The following KCNS3 variants were observed in gnomAD, a reference collection of about 807,000 sequenced individuals.
KCNS3 encodes potassium voltage-gated channel modifier subfamily S member 3.
In KCNS3, 13 loss-of-function variants were observed where a neutral mutation model predicts 31.0. The ratio of observed to expected loss-of-function variants is 0.42; its 90% CI spans 0.27 to 0.67. The LOEUF (loss-of-function observed/expected upper bound fraction) is 0.67, where lower values mean the gene tolerates loss of function less well. KCNS3 is among the 30% of genes least tolerant of loss of function. The pLI, the probability that KCNS3 is intolerant of heterozygous loss-of-function variation, is 0.25. For synonymous variants in KCNS3, 238 were observed against 241.5 expected, an observed-to-expected ratio of 0.99 and a Z score of 0.13; for missense variants, 545 against 622.4, an observed-to-expected ratio of 0.88 and a Z score of 1.32.
chr2:17,892,127 A>T (rs925212341), intron 1 of KCNS3, among the ~76,000 whole-genome samples: 2 of 151,906 alleles, frequency 1.3e-5, no homozygotes, highest in African/African-American at 4.8e-5. Context: ...ACATTTTCTT[A>T]TTCTTTTTTC....
intron 1 of KCNS3, among the ~76,000 whole-genome samples, chr2:17,902,837 G>A (rs747700038): frequency 6.6e-6 from 1 of 152,044 alleles, no homozygotes; most frequent in Non-Finnish European, 1.5e-5. Context: ...TTACAATCTG[G>A]GTTAGTGTGC....
intron 2 of KCNS3, among the ~76,000 whole-genome samples, chr2:17,926,208 G>A (rs1217687849): frequency 2.0e-5 from 3 of 152,210 alleles, no homozygotes; most frequent in South Asian, 2.1e-4. Context: ...GGCTCCCATG[G>A]TCTTGGGCAG....
intron 1 of KCNS3, among the ~76,000 whole-genome samples, chr2:17,884,268 A>ATATATATAT (rs1553340999): frequency 3.2e-3 from 149 of 46,562 alleles, no homozygotes; most frequent in African/African-American, 6.2e-3. Flanking sequence ...AAAAAAAAAA[A>ATATATATAT]ATATATATAT....
At chr2:17,930,536 G>A (rs558780883) in intron 2 of KCNS3, among the ~76,000 whole-genome samples, 79 of 152,266 alleles carry the variant, frequency 5.2e-4, no homozygotes, top group Non-Finnish European at 9.0e-4. Context: ...GCAGCAACTA[G>A]CCTGTCATGT....
At chr2:17,890,762 C>T (rs115907418) in intron 1 of KCNS3, among the ~76,000 whole-genome samples, 2,494 of 152,140 alleles carry the variant, frequency 0.016, 63 homozygotes, top group African/African-American at 0.055. Context: ...AGTTGATTTC[C>T]AGTTTAATTC....
chr2:17,926,611 G>A (rs760307006), intron 2 of KCNS3, among the ~76,000 whole-genome samples: 14 of 152,230 alleles, frequency 9.2e-5, no homozygotes, highest in South Asian at 2.1e-4. Context: ...TGGGGCTTGC[G>A]CCATCTGAAG....
chr2:17,912,349 TG>T (rs1662489815), intron 1 of KCNS3, among the ~76,000 whole-genome samples: 1 of 152,222 alleles, frequency 6.6e-6, no homozygotes, highest in South Asian at 2.1e-4. Flanking sequence ...TTAGTGCAGT[TG>T]TTTGATGCAT....
intron 1 of KCNS3, chr2:17,879,357 T>A (rs1412314895): frequency 6.6e-6 from 1 of 152,276 alleles, no homozygotes. Context: ...GCCCTGCAGC[T>A]GTGCTAGGCG....
At chr2:17,926,107 A>G (rs183186433) in intron 2 of KCNS3, among the ~76,000 whole-genome samples, 3 of 152,288 alleles carry the variant, frequency 2.0e-5, no homozygotes, top group African/African-American at 7.2e-5. Context: ...CAAGTCTGAA[A>G]CCCATCAGGG....
chr2:17,931,795 A>G lies in KCNS3; in HGVS notation c.787A>G (p.Ile263Val), dbSNP rs770265810. Reference sequence around the variant, plus strand: ...TCTGAACATCATTGACTTTGTCTCTATTATTCCCTTCTATGCCACGTTGGC... The same window carrying G: ...TCTGAACATCATTGACTTTGTCTCTGTTATTCCCTTCTATGCCACGTTGGC... Reference protein sequence around the residue: ...NPLNIIDFVSIIPFYATLAVD... With the variant: ...NPLNIIDFVSVIPFYATLAVD... The change falls in exon 3 of 3, where the codon ATT (isoleucine) becomes GTT (valine). Residue 263 changes from isoleucine to valine, a missense_variant. By Grantham distance (29) the Ile-to-Val change is conservative. Coordinates refer to ENST00000304101, the MANE Select transcript of KCNS3 (RefSeq NM_002252.5). The surrounding 1 kb of genome is among the most constrained non-coding windows in gnomAD (Gnocchi z 5.4). The G allele has an allele frequency of 1.8e-5, 29 of 1,614,032 alleles. No homozygotes were observed. The Admixed American group carries it at 2.3e-4, about 13-fold the overall frequency.
chr2:17,904,493 G>C (rs1012888071), intron 1 of KCNS3, among the ~76,000 whole-genome samples: 1 of 152,002 alleles, frequency 6.6e-6, no homozygotes, highest in Non-Finnish European at 1.5e-5. Context: ...TTTGGCTTTT[G>C]TTGCCATTGC....
intron 1 of KCNS3, among the ~76,000 whole-genome samples, chr2:17,882,748 A>G (rs1031769): frequency 0.38 from 58,077 of 152,068 alleles, 12,912 homozygotes; most frequent in Non-Finnish European, 0.52. Context: ...GAACATAATA[A>G]CAAGGCTTAA....
chr2:17,902,642 A>G (rs1662209534), intron 1 of KCNS3, among the ~76,000 whole-genome samples: 1 of 152,154 alleles, frequency 6.6e-6, no homozygotes, highest in South Asian at 2.1e-4. Context: ...TACTAGTTTA[A>G]TATGTAAGCA....
chr2:17,888,655 A>ATATC (rs1661761737), intron 1 of KCNS3, among the ~76,000 whole-genome samples: 1 of 135,062 alleles, frequency 7.4e-6, no homozygotes, highest in Admixed American at 7.4e-5. Flanking sequence ...ATATATATAT[A>ATATC]TATATATATA....
At chr2:17,880,542 AT>A (rs1458167131) in intron 1 of KCNS3, among the ~76,000 whole-genome samples, 1 of 152,238 alleles carries the variant, frequency 6.6e-6, no homozygotes, top group Non-Finnish European at 1.5e-5. Flanking sequence ...AATCCAAAGC[AT>A]GTTGTGAATA....
At chr2:17,887,484 GATCT>G (rs55654719) in intron 1 of KCNS3, among the ~76,000 whole-genome samples, 1,815 of 146,328 alleles carry the variant, frequency 0.012, 17 homozygotes, top group East Asian at 0.021. Context: ...TCTATCATAT[GATCT>G]ATCTATCTAT....
Position 17,904,474 on chromosome 2 carries a change from T to A in KCNS3, c.-251-13206T>A, listed in dbSNP as rs566658554. On this transcript the variant is annotated intron_variant, in intron 1 of 2. Coordinates refer to ENST00000304101, the MANE Select transcript of KCNS3 (RefSeq NM_002252.5). ...AGCTCTTTAGTTTAATTAGATCCCATTTGTCAATTTTGGCTTTTGTTGCCA... is the reference window on the plus strand; with the variant it reads ...AGCTCTTTAGTTTAATTAGATCCCAATTGTCAATTTTGGCTTTTGTTGCCA... Among the ~76,000 whole-genome samples the A allele has an allele frequency of 5.2e-4, 79 of 152,166 alleles. 1 individual carries two copies. Among genetic ancestry groups the A allele is most frequent in the Non-Finnish European group, 9.6e-4 (65 of 67,920 alleles).
chr2:17,924,514 A>G (rs1462172289), intron 2 of KCNS3, among the ~76,000 whole-genome samples: 1 of 152,076 alleles, frequency 6.6e-6, no homozygotes, highest in Non-Finnish European at 1.5e-5. Flanking sequence ...TCTTTATCAA[A>G]TTGGAGAAAT....
chr2:17,900,690 A>G (rs1292347699), intron 1 of KCNS3, among the ~76,000 whole-genome samples: 2 of 151,926 alleles, frequency 1.3e-5, no homozygotes, highest in African/African-American at 4.8e-5. Flanking sequence ...GGGTTTCACC[A>G]TGTTGGCCAG....
Sources: gnomAD v4.1 joint callset for allele counts (sites outside exome capture counted in the v4.1 genomes callset) on GRCh38, gnomAD v4.1.1 for gene constraint, Gnocchi (gnomAD v3.1) non-coding constraint, MANE v1.5 for transcripts, NCBI Gene and HGNC (gene_info 2026-07-23, HGNC 2026-07-21) for gene names.